PPP2R2D: variants seen among roughly 807,000 people sequenced by gnomAD.
The protein encoded by PPP2R2D is protein phosphatase 2 regulatory subunit Bdelta.
In PPP2R2D, 9 loss-of-function variants were observed where a neutral mutation model predicts 31.1. The ratio of observed to expected loss-of-function variants is 0.29; its 90% CI spans 0.17 to 0.51. The LOEUF (loss-of-function observed/expected upper bound fraction) is 0.51, where lower values mean the gene tolerates loss of function less well. Among genes scored for constraint, PPP2R2D ranks in the 20% least tolerant of loss-of-function variants. The pLI, the probability that PPP2R2D is intolerant of heterozygous loss-of-function variation, is 0.98. For missense variants in PPP2R2D, 391 were observed against 465.6 expected, an observed-to-expected ratio of 0.84 and a Z score of 1.48; for synonymous variants, 179 against 172.6, an observed-to-expected ratio of 1.04 and a Z score of -0.29.
intron 7 of PPP2R2D, among the ~76,000 whole-genome samples, chr10:131,946,218 C>T (rs1344756694): frequency 6.6e-6 from 1 of 152,258 alleles, no homozygotes; most frequent in Non-Finnish European, 1.5e-5. Context: ...AGTGAGCTTT[C>T]AAGCTCCTTT....
downstream of PPP2R2D, among the ~76,000 whole-genome samples, chr10:131,960,767 G>A (rs918422986): frequency 4.6e-5 from 7 of 152,234 alleles, no homozygotes; most frequent in African/African-American, 1.7e-4. Context: ...TCCTAAACCT[G>A]TGCTGTGCGT....
rs551673092 is a variant in PPP2R2D at position 131,955,818 on chromosome 10, G to C, written c.1217G>C (p.Gly406Ala). The C allele has an allele frequency of 5.0e-6, 8 of 1,609,978 alleles. No individual in the cohort carries two copies. The highest frequency in any genetic ancestry group is 1.3e-5 in the African/African-American group (1 of 74,816). ...CTCAAACCCCGGAAGGTGTGTACGG[G>C]GGGTAAGCGGAGGAAAGACGAGATC... The part of the protein sequence containing the change: ...ASLKPRKVCT[G>A]GKRRKDEISV... Residue 406 changes from glycine to alanine, a missense_variant, in exon 9 of 9, where the codon GGG becomes GCG. Gly to Ala is a moderately conservative substitution (Grantham distance 60, BLOSUM62 0). Around this residue, in one of 3 missense-constraint regions of PPP2R2D, gnomAD observed 163 missense variants for 179.5 expected, o/e 0.91. Coordinates refer to ENST00000455566, the MANE Select transcript of PPP2R2D (RefSeq NM_018461.5).
At chr10:131,936,546 A>G (rs1294510315) in intron 3 of PPP2R2D, among the ~76,000 whole-genome samples, 1 of 152,258 alleles carries the variant, frequency 6.6e-6, no homozygotes, top group Non-Finnish European at 1.5e-5. Flanking sequence ...CGATAGCCTT[A>G]GGGAAGATGC....
intron 1 of PPP2R2D, 37 bp from the exon 2 acceptor site, chr10:131,901,201 G>A: frequency 2.9e-6 from 1 of 339,146 alleles, no homozygotes; most frequent in Non-Finnish European, 5.3e-6. Context: ...GGCGGGCGGG[G>A]GCCGCGGCCG....
intron 2 of PPP2R2D, among the ~76,000 whole-genome samples, chr10:131,932,646 CAAAAAAAAAA>C (rs368610703): frequency 1.7e-5 from 1 of 57,860 alleles, no homozygotes; most frequent in African/African-American, 6.9e-5. Context: ...CAGCCTGTCT[CAAAAAAAAAA>C]AAAAAAAAAA....
chr10:131,956,486 C>T lies in PPP2R2D; in HGVS notation c.*523C>T, dbSNP rs1454404643. ...GGCCCCACTCACCCACAGCATCCGCCGCCACCCCTTCGGGTGTGAGCGCTC... is the reference window on the plus strand; with the variant it reads ...GGCCCCACTCACCCACAGCATCCGCTGCCACCCCTTCGGGTGTGAGCGCTC... On this transcript the variant is annotated 3_prime_UTR_variant, in exon 9 of 9. Transcript: ENST00000455566. 3 of 985,540 alleles carry T rather than the reference C, an allele frequency of 3.0e-6. No homozygotes were observed. The highest frequency in any genetic ancestry group is 3.6e-6 in the Non-Finnish European group (3 of 830,030). The allele number at this position is 985,540 out of a possible 1,614,324, so 61.0% of individuals were successfully genotyped here.
intron 2 of PPP2R2D, among the ~76,000 whole-genome samples, chr10:131,925,483 C>T (rs1324960788): frequency 6.6e-6 from 1 of 152,104 alleles, no homozygotes; most frequent in African/African-American, 2.4e-5. Flanking sequence ...CCTTGCATTC[C>T]TAGGATATGG....
chr10:131,961,806 G>C (rs1415262177), downstream of PPP2R2D, among the ~76,000 whole-genome samples: 1 of 151,536 alleles, frequency 6.6e-6, no homozygotes, highest in African/African-American at 2.4e-5. Context: ...CCCAGGACGG[G>C]AACCCACACT....
intron 8 of PPP2R2D, among the ~76,000 whole-genome samples, chr10:131,954,705 G>A (rs2036761188): frequency 6.6e-6 from 1 of 152,130 alleles, no homozygotes; most frequent in South Asian, 2.1e-4. Flanking sequence ...CCAGCAGCCA[G>A]GGTCAGTGCT....
intron 2 of PPP2R2D, among the ~76,000 whole-genome samples, chr10:131,910,978 G>A (rs981088264): frequency 0.27 from 41,125 of 152,060 alleles, 5,722 homozygotes; most frequent in East Asian, 0.45. Context: ...CTCAGCCCCC[G>A]TCCCTCGCCC....
intron 2 of PPP2R2D, among the ~76,000 whole-genome samples, chr10:131,920,641 A>G (rs926385796): frequency 6.6e-6 from 1 of 152,206 alleles, no homozygotes; most frequent in African/African-American, 2.4e-5. Flanking sequence ...TATTTAAAAA[A>G]TTATTGCTGG....
intron 2 of PPP2R2D, among the ~76,000 whole-genome samples, chr10:131,905,786 C>T (rs1291033467): frequency 3.3e-5 from 5 of 152,206 alleles, no homozygotes; most frequent in Admixed American, 2.0e-4. Context: ...AGCCGTGGAG[C>T]GCTGTACTGC....
At chr10:131,951,639 A>G (rs1363040430) in intron 8 of PPP2R2D, among the ~76,000 whole-genome samples, 3 of 152,078 alleles carry the variant, frequency 2.0e-5, no homozygotes, top group Non-Finnish European at 2.9e-5. Context: ...TGACCAACAT[A>G]GTGAAACCCC....
chr10:131,912,014 C>CCCA (rs2035692928), intron 2 of PPP2R2D: 1 of 152,184 alleles, frequency 6.6e-6, no homozygotes, highest in Admixed American at 6.5e-5. Context: ...TTCCTCAGGA[C>CCCA]CCACTGCTCC....
At chr10:131,967,456 TA>T in the PPP2R2D span, 3 of 152,236 alleles carry the variant, frequency 2.0e-5, no homozygotes, top group African/African-American at 7.2e-5. Context: ...TCTCCAAATG[TA>T]AGACTGAGAG....
chr10:131,926,527 A>G (rs1261295360), intron 2 of PPP2R2D, among the ~76,000 whole-genome samples: 1 of 152,222 alleles, frequency 6.6e-6, no homozygotes, highest in Non-Finnish European at 1.5e-5. Flanking sequence ...ACATTAAAAA[A>G]GGTAGACAAT....
At chr10:131,910,346 T>A (rs1425095044) in intron 2 of PPP2R2D, among the ~76,000 whole-genome samples, 1 of 150,876 alleles carries the variant, frequency 6.6e-6, no homozygotes, top group African/African-American at 2.4e-5. Context: ...AAGAAAATCC[T>A]ATTTTTTAAT....
rs775713617 is a variant in PPP2R2D, at chr10:131,956,602, G to T, written c.*639G>T. ...TTATTGCATAGAATGAAGTTATGCA[G>T]GGTTCTTCTTTGGAACTAACTGTTT... On this transcript the variant is annotated 3_prime_UTR_variant, in exon 9 of 9. Coordinates refer to ENST00000455566, the MANE Select transcript of PPP2R2D (RefSeq NM_018461.5). 1.5e-4 allele frequency: 149 copies of T among 967,138 alleles called. No individual in the cohort carries two copies. Among genetic ancestry groups the T allele is most frequent in the Non-Finnish European group, 1.8e-4 (145 of 813,360 alleles). 59.9% of individuals were successfully genotyped at this position (967,138 alleles called of 1,614,324 possible). A position where few individuals can be genotyped will look rare whatever the true frequency, so the allele number is the denominator to read the frequency against.
At chr10:131,932,341 A>G (rs1219645915) in intron 2 of PPP2R2D, among the ~76,000 whole-genome samples, 2 of 152,296 alleles carry the variant, frequency 1.3e-5, no homozygotes, top group East Asian at 1.9e-4. Flanking sequence ...CAGCAGGGAA[A>G]TGGAGGCAGA....
Sources: gnomAD v4.1 joint callset for allele counts (sites outside exome capture counted in the v4.1 genomes callset) on GRCh38, gnomAD v4.1.1 for gene constraint, gnomAD v4.1.1 regional missense constraint, MANE v1.5 for transcripts, NCBI Gene and HGNC (gene_info 2026-07-23, HGNC 2026-07-21) for gene names.